The following ZMYM2 variants were observed in gnomAD, a reference collection of about 807,000 sequenced individuals.
ZMYM2 encodes zinc finger MYM-type containing 2.
In ZMYM2, 56 loss-of-function variants were observed where a neutral mutation model predicts 162.8. The ratio of observed to expected loss-of-function variants is 0.34; its 90% CI spans 0.28 to 0.43. The LOEUF (loss-of-function observed/expected upper bound fraction) is 0.43. ZMYM2 is among the 20% of genes least tolerant of loss of function. ZMYM2 has a pLI of 1.00. For synonymous variants in ZMYM2, 510 were observed against 541.6 expected (o/e 0.94, Z 0.81); for missense variants, 1,275 against 1,621.8 (o/e 0.79, Z 3.67).
intron 2 of ZMYM2, among the ~76,000 whole-genome samples, chr13:19,971,943 T>C (rs1444534711): frequency 6.6e-6 from 1 of 151,816 alleles, no homozygotes; most frequent in Non-Finnish European, 1.5e-5. Flanking sequence ...AATTAAGGAG[T>C]TTAGGGGTAT....
At chr13:20,022,395 A>G (rs969754104) in intron 7 of ZMYM2, among the ~76,000 whole-genome samples, 3 of 152,178 alleles carry the variant, frequency 2.0e-5, no homozygotes, top group African/African-American at 4.8e-5. Flanking sequence ...CGTGCACATC[A>G]GGAAGCACAT....
intron 11 of ZMYM2, among the ~76,000 whole-genome samples, chr13:20,035,623 A>G (rs777582970): frequency 6.6e-6 from 1 of 152,224 alleles, no homozygotes. Context: ...ACTAAAATGA[A>G]TAGACAATTA....
At chr13:19,876,118 C>T in the ZMYM2 span, among the ~76,000 whole-genome samples, 1 of 151,860 alleles carries the variant, frequency 6.6e-6, no homozygotes, top group Admixed American at 6.6e-5. Context: ...TCTCCACCTC[C>T]CGGGTTCACG....
chr13:19,937,110 A>T, the ZMYM2 span, among the ~76,000 whole-genome samples: 6 of 152,198 alleles, frequency 3.9e-5, no homozygotes, highest in Non-Finnish European at 5.9e-5. Flanking sequence ...CTTAAAAAAA[A>T]TTTTAAAAAT....
rs942833260 is a variant in ZMYM2, at chr13:20,010,878, A to G, written c.1512+4292A>G. On this transcript the variant is annotated intron_variant, in intron 6 of 24. Coordinates refer to ENST00000610343, the MANE Select transcript of ZMYM2 (RefSeq NM_197968.4). ...CTGGTCTCAAACTCCTGACATCGTA[A>G]TCTGCCCGCCTCGGCCTCCCCAAGT... 1.5e-4 allele frequency among the ~76,000 whole-genome samples: 23 copies of G among 152,216 alleles called. No individual in the cohort carries two copies. In the South Asian group the frequency reaches 4.6e-3, roughly 30 times the overall value.
intron 11 of ZMYM2, 136 bp from the exon 12 acceptor site, chr13:20,036,601 G>T: frequency 1.8e-6 from 1 of 560,094 alleles, no homozygotes; most frequent in Non-Finnish European, 2.8e-6. Context: ...AATTTTTATA[G>T]GTTGATATTG....
intron 2 of ZMYM2, among the ~76,000 whole-genome samples, chr13:19,986,723 A>G (rs1949176102): frequency 6.6e-6 from 1 of 152,166 alleles, no homozygotes; most frequent in Non-Finnish European, 1.5e-5. Context: ...CATTCTTTTA[A>G]TGGTTATTAT....
At chr13:19,943,524 C>G in the ZMYM2 span, among the ~76,000 whole-genome samples, 1 of 152,094 alleles carries the variant, frequency 6.6e-6, no homozygotes, top group Non-Finnish European at 1.5e-5. Flanking sequence ...ATCTGTCATC[C>G]AGTCATGAGA....
At chr13:19,971,114 G>C (rs955480772) in intron 2 of ZMYM2, among the ~76,000 whole-genome samples, 1 of 151,626 alleles carries the variant, frequency 6.6e-6, no homozygotes, top group Non-Finnish European at 1.5e-5. Context: ...GATCAAAGCA[G>C]ACGGAAATAT....
At chr13:20,045,655 C>G (rs1954704357) in intron 12 of ZMYM2, among the ~76,000 whole-genome samples, 1 of 152,110 alleles carries the variant, frequency 6.6e-6, no homozygotes, top group African/African-American at 2.4e-5. Flanking sequence ...TTTGGATAAT[C>G]TCAAAACAAT....
rs1288142199 is a variant in ZMYM2, at chr13:19,971,269, T to A, written c.-11+11243T>A. On this transcript the variant is annotated intron_variant, in intron 2 of 24. Coordinates refer to ENST00000610343, the MANE Select transcript of ZMYM2 (RefSeq NM_197968.4). ...GTATATATATATATATATATTTTTTTTTTTTTTTTTTTTTCCTTGAGATGG... is the reference window on the plus strand; with the variant it reads ...GTATATATATATATATATATTTTTTATTTTTTTTTTTTTTCCTTGAGATGG... Among the ~76,000 whole-genome samples the A allele has an allele frequency of 9.6e-3, 1,148 of 119,076 alleles. 11 individuals are homozygous for A. Among genetic ancestry groups the A allele is most frequent in the African/African-American group, 0.02 (698 of 34,192 alleles). 78.1% of individuals were successfully genotyped at this position (119,076 alleles called of 152,430 possible).
chr13:19,898,230 A>G, the ZMYM2 span, among the ~76,000 whole-genome samples: 5 of 148,754 alleles, frequency 3.4e-5, no homozygotes, highest in Non-Finnish European at 7.4e-5. Context: ...GAATTAAAGA[A>G]CACACTCTTT....
chr13:20,061,244 A>G lies in ZMYM2; in HGVS notation c.2911+20A>G. 6.2e-7 allele frequency: 1 copy of G among 1,609,504 alleles called. No individual in the cohort carries two copies. The highest frequency in any genetic ancestry group is 8.5e-7 in the Non-Finnish European group (1 of 1,177,132). On this transcript the variant is annotated intron_variant, in intron 17 of 24. Coordinates refer to ENST00000610343, the MANE Select transcript of ZMYM2 (RefSeq NM_197968.4). ...TCAACAGTGAGCTACACTAAATTATACCTTGCGAATAAGTGTTAACATTGG... is the reference window on the plus strand; with the variant it reads ...TCAACAGTGAGCTACACTAAATTATGCCTTGCGAATAAGTGTTAACATTGG...
In ZMYM2 at chr13:20,031,500, G is replaced by T. The variant is rs977816712; in HGVS notation, c.1968+65G>T. ...AAGAAAGTCTAGTAAAATAAGTGTT[G>T]TATTTCCATCTGGAAACCTATTTCT... On this transcript the variant is annotated intron_variant, in intron 10 of 24. Transcript: ENST00000610343. 5 of 1,030,114 alleles carry T rather than the reference G, an allele frequency of 4.9e-6. No homozygotes were observed. The Admixed American group carries it at 1.1e-4, about 22-fold the overall frequency. 63.8% of individuals were successfully genotyped at this position (1,030,114 alleles called of 1,614,324 possible). A position where few individuals can be genotyped will look rare whatever the true frequency, so the allele number is the denominator to read the frequency against.
chr13:19,874,579 G>T, the ZMYM2 span, among the ~76,000 whole-genome samples: 1 of 152,070 alleles, frequency 6.6e-6, no homozygotes, highest in African/African-American at 2.4e-5. Context: ...TCCTCTTCTG[G>T]ATGTCAAATC....
chr13:19,974,604 T>C lies in ZMYM2; in HGVS notation c.-11+14578T>C, dbSNP rs537527452. On this transcript the variant is annotated intron_variant, in intron 2 of 24. Coordinates refer to ENST00000610343, the MANE Select transcript of ZMYM2 (RefSeq NM_197968.4). ...CTCCTGCCTCAGCCTCCTGAGTAGC[T>C]AGGATTACAGGCACCCGCCACCACA... 3.9e-5 allele frequency among the ~76,000 whole-genome samples: 6 copies of C among 152,124 alleles called. No individual in the cohort carries two copies. The East Asian group carries it at 1.2e-3, about 29-fold the overall frequency.
At chr13:20,026,874 T>A in intron 8 of ZMYM2, 112 bp downstream of exon 8, 1 of 1,162,588 alleles carries the variant, frequency 8.6e-7, no homozygotes, top group Non-Finnish European at 1.2e-6. Flanking sequence ...TATTTTATAT[T>A]AATCTTTTTG....
the ZMYM2 span, among the ~76,000 whole-genome samples, chr13:19,899,481 A>G: frequency 6.6e-6 from 1 of 151,232 alleles, no homozygotes; most frequent in Non-Finnish European, 1.5e-5. Flanking sequence ...GAAGGAAATA[A>G]TAAGGATTAG....
At chr13:20,000,248 CAAAAG>C (rs1166505369) in intron 3 of ZMYM2, among the ~76,000 whole-genome samples, 3 of 152,066 alleles carry the variant, frequency 2.0e-5, no homozygotes, top group Non-Finnish European at 2.9e-5. Context: ...GATAAGGAAA[CAAAAG>C]AAAAGTTTGA....
Sources: allele counts gnomAD v4.1 joint callset (sites outside exome capture counted in the v4.1 genomes callset), GRCh38; gene constraint gnomAD v4.1.1; transcripts MANE v1.5; gene names NCBI Gene and HGNC (gene_info 2026-07-23, HGNC 2026-07-21).